The following LMLN variants were observed in gnomAD, a reference collection of about 807,000 sequenced individuals.
The protein encoded by LMLN is leishmanolysin like peptidase, also known as leishmanolysin-like peptidase.
Under a neutral mutation model 92.3 loss-of-function variants are expected in LMLN, and 70 were observed. That is an observed-to-expected ratio of 0.76 (90% CI 0.63 to 0.92). The LOEUF (loss-of-function observed/expected upper bound fraction) is 0.92, where lower values mean the gene tolerates loss of function less well. Ranked by LOEUF, LMLN falls within the 40% of genes least tolerant of loss-of-function variation. The probability of loss-of-function intolerance (pLI) is 0.00; values close to 1 mark genes in which losing one functional copy is unlikely to be tolerated. For synonymous variants in LMLN, 308 were observed against 296.2 expected (o/e 1.04, Z -0.41); for missense variants, 691 against 814.6 (o/e 0.85, Z 1.85).
chr3:197,974,462 A>G (rs773386801), exon 2 of LMLN: 21 of 1,530,466 alleles, frequency 1.4e-5, no homozygotes, highest in Non-Finnish European at 1.6e-5. Context: ...GTCTATGATA[A>G]AAGTGTTGAA....
exon 16 of LMLN, chr3:198,040,442 A>G (rs2109966193): frequency 6.6e-6 from 1 of 152,422 alleles, no homozygotes; most frequent in African/African-American, 2.4e-5. Context: ...AAGAAAAAAT[A>G]TATTCATGAA....
chr3:197,961,831 T>C (rs1410312768), intron 1 of LMLN, among the ~76,000 whole-genome samples: 1 of 152,200 alleles, frequency 6.6e-6, no homozygotes, highest in Non-Finnish European at 1.5e-5. Flanking sequence ...AACTAAAGCC[T>C]GTAAGTTTTG....
At chr3:198,037,001 C>T (rs1202883982) in intron 15 of LMLN, among the ~76,000 whole-genome samples, 1 of 152,156 alleles carries the variant, frequency 6.6e-6, no homozygotes, top group African/African-American at 2.4e-5. Flanking sequence ...ATTAACTTCC[C>T]TTCTTTTCCA....
At chr3:197,984,156 C>G (rs1218569436) in intron 7 of LMLN, 108 bp downstream of exon 7, 1 of 662,826 alleles carries the variant, frequency 1.5e-6, no homozygotes, top group Non-Finnish European at 2.7e-6. Context: ...TTCCTAGACT[C>G]ATGTTCGTGC....
At chr3:198,021,120 TTC>T (rs1378631947) in intron 12 of LMLN, among the ~76,000 whole-genome samples, 2 of 152,172 alleles carry the variant, frequency 1.3e-5, no homozygotes, top group African/African-American at 4.8e-5. Flanking sequence ...TATGCATTAG[TTC>T]TGTGTTTTGT....
At chr3:197,996,935 C>A (rs1355175487) in intron 10 of LMLN, among the ~76,000 whole-genome samples, 1 of 152,134 alleles carries the variant, frequency 6.6e-6, no homozygotes, top group Non-Finnish European at 1.5e-5. Flanking sequence ...GCAAACACCA[C>A]TGCACCCAGC....
intron 14 of LMLN, among the ~76,000 whole-genome samples, chr3:198,029,090 C>T (rs6802214): frequency 0.19 from 29,354 of 152,192 alleles, 4,623 homozygotes; most frequent in African/African-American, 0.44. Flanking sequence ...GCTTCCAGCA[C>T]TGGTCCCAGT....
At chr3:197,996,873 T>C (rs539606945) in intron 10 of LMLN, among the ~76,000 whole-genome samples, 2 of 152,216 alleles carry the variant, frequency 1.3e-5, no homozygotes, top group African/African-American at 4.8e-5. Flanking sequence ...TCGAATTCTT[T>C]TGGGCTCAAG....
chr3:197,965,418 T>C (rs1214706321), intron 1 of LMLN, among the ~76,000 whole-genome samples: 1 of 152,096 alleles, frequency 6.6e-6, no homozygotes, highest in Non-Finnish European at 1.5e-5. Flanking sequence ...TTTATTTTAT[T>C]GTTTTAGAGA....
intron 13 of LMLN, among the ~76,000 whole-genome samples, chr3:198,023,875 C>T (rs1344437258): frequency 6.6e-6 from 1 of 152,200 alleles, no homozygotes; most frequent in African/African-American, 2.4e-5. Context: ...ATTACTTCTG[C>T]ACCAGCCTAA....
intron 11 of LMLN, among the ~76,000 whole-genome samples, chr3:198,002,175 A>G (rs1056122298): frequency 2.6e-5 from 4 of 151,920 alleles, no homozygotes; most frequent in African/African-American, 9.7e-5. Flanking sequence ...TTTTTGAGAC[A>G]AGGTCTCACT....
chr3:198,021,842 T>C (rs1220808336), intron 13 of LMLN, among the ~76,000 whole-genome samples: 1 of 152,202 alleles, frequency 6.6e-6, no homozygotes, highest in African/African-American at 2.4e-5. Flanking sequence ...AGTAAGTGCT[T>C]ACAATTGTGC....
chr3:197,989,425 T>G (rs1721803717), intron 8 of LMLN, among the ~76,000 whole-genome samples: 1 of 152,214 alleles, frequency 6.6e-6, no homozygotes. Flanking sequence ...TTGTATGTGG[T>G]GAAAAAGGGA....
At chr3:198,038,245 T>A (rs1445032041) in intron 15 of LMLN, 1 of 277,838 alleles carries the variant, frequency 3.6e-6, no homozygotes, top group East Asian at 8.3e-5. Flanking sequence ...AAAGAAAGAA[T>A]AAAAGAAGAA....
chr3:198,033,013 C>T (rs764236764), intron 14 of LMLN, among the ~76,000 whole-genome samples: 11 of 152,168 alleles, frequency 7.2e-5, no homozygotes, highest in Admixed American at 2.0e-4. Flanking sequence ...CTTCCTGGCT[C>T]TTCCTGTTGC....
intron 8 of LMLN, among the ~76,000 whole-genome samples, chr3:197,990,130 A>G (rs888241971): frequency 6.6e-6 from 1 of 152,096 alleles, no homozygotes; most frequent in African/African-American, 2.4e-5. Context: ...TGGCACGAAC[A>G]TGGCTTACTG....
chr3:198,003,095 G>A, intron 11 of LMLN: 1 of 1,550,446 alleles, frequency 6.4e-7, no homozygotes, highest in South Asian at 1.2e-5. Context: ...AGGAAGAGCT[G>A]TAAATTCTGG....
exon 16 of LMLN, chr3:198,041,691 A>G (rs1165731886): frequency 1.3e-5 from 2 of 152,222 alleles, no homozygotes. Context: ...AGTCAAAGCA[A>G]AGAGTCTATT....
At chr3:198,011,180 T>C (rs1436798437) in intron 11 of LMLN, among the ~76,000 whole-genome samples, 1 of 152,234 alleles carries the variant, frequency 6.6e-6, no homozygotes, top group African/African-American at 2.4e-5. Context: ...CGTGCAGGTT[T>C]GTTACATATG....
Sources: allele counts gnomAD v4.1 joint callset (sites outside exome capture counted in the v4.1 genomes callset), GRCh38; gene constraint gnomAD v4.1.1; transcripts MANE v1.5; gene names NCBI Gene and HGNC (gene_info 2026-07-23, HGNC 2026-07-21).